Variants in SEC22C observed in about 807,000 individuals in gnomAD.
The protein encoded by SEC22C is SEC22 homolog C, vesicle trafficking protein.
In SEC22C, 29 loss-of-function variants were observed where a neutral mutation model predicts 34.7. The observed-to-expected ratio is 0.84, with a 90% confidence interval of 0.62 to 1.14. The LOEUF is 1.14. Ranked by LOEUF, SEC22C falls within the 50% of genes most tolerant of loss-of-function variation. The probability of loss-of-function intolerance (pLI) is 0.00; values close to 1 mark genes in which losing one functional copy is unlikely to be tolerated. For synonymous variants in SEC22C, 117 were observed against 132.8 expected (o/e 0.88, Z 0.82); for missense variants, 337 against 369.0 (o/e 0.91, Z 0.71).
rs570538515 is a variant in SEC22C at position 42,575,346 on chromosome 3, T to C, written c.-27-6273A>G. On this transcript the variant is annotated intron_variant, in intron 1 of 6. Transcript: ENST00000264454. ...CAATTGCCAAAACAGAGACTGACAG[T>C]AGATAAAAGACATGACCCAATTATA... 2.5e-4 allele frequency among the ~76,000 whole-genome samples: 38 copies of C among 152,292 alleles called. No individual in the cohort carries two copies. The South Asian group carries it at 7.9e-3, about 32-fold the overall frequency.
upstream of SEC22C, among the ~76,000 whole-genome samples, chr3:42,582,721 C>T (rs895923655): frequency 6.6e-6 from 1 of 152,104 alleles, no homozygotes; most frequent in Admixed American, 6.5e-5. Flanking sequence ...TTTACAGAAG[C>T]TTCTAGGCTG....
intron 6 of SEC22C, among the ~76,000 whole-genome samples, chr3:42,555,453 G>A (rs760150984): frequency 4.1e-4 from 63 of 152,150 alleles, no homozygotes; most frequent in Admixed American, 1.2e-3. Flanking sequence ...GCCTTGAAAA[G>A]TACTGGGATT....
intron 4 of SEC22C, among the ~76,000 whole-genome samples, chr3:42,560,659 C>T (rs1158563653): frequency 6.6e-6 from 1 of 152,134 alleles, no homozygotes; most frequent in Non-Finnish European, 1.5e-5. Context: ...TTTTTTGAGA[C>T]AGGGTCTCAT....
At chr3:42,566,272 G>A (rs1332164058) in intron 2 of SEC22C, among the ~76,000 whole-genome samples, 1 of 152,162 alleles carries the variant, frequency 6.6e-6, no homozygotes, top group Non-Finnish European at 1.5e-5. Flanking sequence ...GGCCCTTCTA[G>A]CCTGACATTA....
In SEC22C at chr3:42,551,003, G is replaced by C. The variant is rs1702228504; in HGVS notation, c.*2245C>G. 2.7e-6 allele frequency: 2 copies of C among 747,536 alleles called. No individual in the cohort carries two copies. Among genetic ancestry groups the C allele is most frequent in the African/African-American group, 1.9e-5 (1 of 52,198 alleles). The allele number at this position is 747,536 out of a possible 1,614,324, so 46.3% of individuals were successfully genotyped here. A position where few individuals can be genotyped will look rare whatever the true frequency, so the allele number is the denominator to read the frequency against. On this transcript the variant is annotated 3_prime_UTR_variant, in exon 7 of 7. Transcript: ENST00000264454. ...CCTGCCTCAGCCTCCTGAGTAGCTGGGGCTACAGGCACAAGCCACCGTGCC... is the reference window on the plus strand; with the variant it reads ...CCTGCCTCAGCCTCCTGAGTAGCTGCGGCTACAGGCACAAGCCACCGTGCC...
At chr3:42,554,004 G>A (rs1425553250) in intron 6 of SEC22C, among the ~76,000 whole-genome samples, 1 of 152,092 alleles carries the variant, frequency 6.6e-6, no homozygotes, top group Non-Finnish European at 1.5e-5. Context: ...CAGGGAGAGT[G>A]ACTGGTATTT....
intron 1 of SEC22C, among the ~76,000 whole-genome samples, chr3:42,599,286 T>G (rs1705167323): frequency 6.6e-6 from 1 of 150,834 alleles, no homozygotes; most frequent in Non-Finnish European, 1.5e-5. Context: ...ATTTTATAGT[T>G]TAAAAAAAAA....
chr3:42,594,556 G>T, intron 1 of SEC22C: 1 of 1,464,802 alleles, frequency 6.8e-7, no homozygotes, highest in Non-Finnish European at 9.5e-7. Context: ...GTCGTGAGGA[G>T]TAATTGAATG....
chr3:42,597,595 G>T (rs1289891628), intron 1 of SEC22C, among the ~76,000 whole-genome samples: 4 of 151,094 alleles, frequency 2.6e-5, no homozygotes, highest in Non-Finnish European at 5.9e-5. Context: ...GCAGAAACAG[G>T]TCAGAAATGA....
intron 5 of SEC22C, 72 bp downstream of exon 5, chr3:42,557,506 A>G: frequency 1.5e-6 from 1 of 648,862 alleles, no homozygotes; most frequent in Non-Finnish European, 2.6e-6. Flanking sequence ...TATAGATAAA[A>G]TGTATCCCTA....
In SEC22C at chr3:42,589,505, C is replaced by A. The variant is rs189521889; in HGVS notation, c.-28+11455G>T. ...AAAACGAATCTTGTTACCACATCCA[C>A]CACGGATGGCTAGAACAGGGGACCG... On this transcript the variant is annotated intron_variant, in intron 1 of 6. Transcript: ENST00000417572. 4.5e-4 allele frequency among the ~76,000 whole-genome samples: 68 copies of A among 152,280 alleles called. No homozygotes were observed. In the East Asian group the frequency reaches 0.012, roughly 27 times the overall value.
rs752532090 is a variant in SEC22C at position 42,552,060 on chromosome 3, G to A, written c.*1188C>T. On this transcript the variant is annotated 3_prime_UTR_variant, in exon 7 of 7. Coordinates refer to ENST00000264454, the MANE Select transcript of SEC22C (RefSeq NM_032970.4). The stretch of plus-strand genomic sequence containing the variant: ...ACAAAACAAGCCAGGCTGAAATTTC[G>A]GGAAACCTAAGGGATCTTATCCAGA... 230 of 985,250 alleles carry A rather than the reference G, an allele frequency of 2.3e-4. No individual in the cohort carries two copies. Among genetic ancestry groups the A allele is most frequent in the Non-Finnish European group, 2.7e-4 (228 of 829,930 alleles). 61.0% of individuals were successfully genotyped at this position (985,250 alleles called of 1,614,324 possible).
chr3:42,552,678 C>G lies in SEC22C; in HGVS notation c.*570G>C. 3 of 981,590 alleles carry G rather than the reference C, an allele frequency of 3.1e-6. No individual in the cohort carries two copies. Among genetic ancestry groups the G allele is most frequent in the Non-Finnish European group, 3.6e-6 (3 of 826,584 alleles). 60.8% of individuals were successfully genotyped at this position (981,590 alleles called of 1,614,324 possible). A position where few individuals can be genotyped will look rare whatever the true frequency, so the allele number is the denominator to read the frequency against. ...ACCCTAAATGAAGTCCAATTTATATCCAAAATATAATTAAATATTCCAAAG... is the reference window on the plus strand; with the variant it reads ...ACCCTAAATGAAGTCCAATTTATATGCAAAATATAATTAAATATTCCAAAG... On this transcript the variant is annotated 3_prime_UTR_variant, in exon 7 of 7. Transcript: ENST00000264454.
chr3:42,560,201 A>T (rs12634253), intron 4 of SEC22C, among the ~76,000 whole-genome samples: 16 of 145,952 alleles, frequency 1.1e-4, no homozygotes, highest in African/African-American at 3.5e-4. Flanking sequence ...TATATATATA[A>T]TATATATAAT....
At chr3:42,565,854 C>T (rs934667149) in intron 2 of SEC22C, 5 of 454,050 alleles carry the variant, frequency 1.1e-5, no homozygotes, top group African/African-American at 2.0e-5. Flanking sequence ...TAACACACTC[C>T]TTACTATTAA....
chr3:42,563,448 G>C (rs1703044400), intron 3 of SEC22C, 75 bp downstream of exon 3: 1 of 1,362,086 alleles, frequency 7.3e-7, no homozygotes. Flanking sequence ...GATGGTCAAA[G>C]CCAAACCTAA....
In SEC22C at chr3:42,548,960, G is replaced by A; in HGVS notation, c.*4288C>T. 8.6e-6 allele frequency: 10 copies of A among 1,159,778 alleles called. No homozygotes were observed. The highest frequency in any genetic ancestry group is 9.6e-6 in the Non-Finnish European group (9 of 934,034). The allele number at this position is 1,159,778 out of a possible 1,614,324, so 71.8% of individuals were successfully genotyped here. On this transcript the variant is annotated 3_prime_UTR_variant, in exon 7 of 7. Coordinates refer to ENST00000264454, the MANE Select transcript of SEC22C (RefSeq NM_032970.4). The stretch of plus-strand genomic sequence containing the variant: ...CCTCATAACAGCACCCTGGCGGGGG[G>A]GCAGATTGATGTTATCACCATTTAC...
At chr3:42,576,606 C>A (rs1703979422) in intron 1 of SEC22C, among the ~76,000 whole-genome samples, 1 of 151,512 alleles carries the variant, frequency 6.6e-6, no homozygotes, top group Non-Finnish European at 1.5e-5. Context: ...CTGAAAACTA[C>A]AAAATATTCC....
In SEC22C at chr3:42,548,355, G is replaced by T. The variant is rs1485559940; in HGVS notation, c.*4893C>A. The T allele has an allele frequency of 3.9e-6, 2 of 511,420 alleles. No individual in the cohort carries two copies. Among genetic ancestry groups the T allele is most frequent in the East Asian group, 6.1e-5 (2 of 32,878 alleles). 31.7% of individuals were successfully genotyped at this position (511,420 alleles called of 1,614,324 possible). A position where few individuals can be genotyped will look rare whatever the true frequency, so the allele number is the denominator to read the frequency against. ...GAATCATATAAATGTAAGGGTTAAA[G>T]GTCATATGTACTAAGCATGGGTCAG... is the stretch of plus-strand genomic sequence containing the variant. On this transcript the variant is annotated 3_prime_UTR_variant, in exon 7 of 7. Coordinates refer to ENST00000264454, the MANE Select transcript of SEC22C (RefSeq NM_032970.4).
Sources: gnomAD v4.1 joint callset for allele counts (sites outside exome capture counted in the v4.1 genomes callset) on GRCh38, gnomAD v4.1.1 for gene constraint, MANE v1.5 for transcripts, NCBI Gene and HGNC (gene_info 2026-07-23, HGNC 2026-07-21) for gene names.